CCNH: variants seen among roughly 807,000 people sequenced by gnomAD.
CCNH encodes the protein cyclin H.
CCNH carries 31 observed loss-of-function variants against 41.9 expected under a neutral mutation model. The ratio of observed to expected loss-of-function variants is 0.74; its 90% CI spans 0.56 to 1.00. The LOEUF (loss-of-function observed/expected upper bound fraction) is 1.00, where lower values mean the gene tolerates loss of function less well. CCNH is among the 50% of genes least tolerant of loss of function. The probability of loss-of-function intolerance (pLI) is 0.00; values close to 1 mark genes in which losing one functional copy is unlikely to be tolerated. For synonymous variants in CCNH, 138 were observed against 136.1 expected, an observed-to-expected ratio of 1.01 and a Z score of -0.10; for missense variants, 362 against 388.4, an observed-to-expected ratio of 0.93 and a Z score of 0.57.
chr5:87,390,042 A>G (rs1762381511), downstream of CCNH, among the ~76,000 whole-genome samples: 1 of 152,188 alleles, frequency 6.6e-6, no homozygotes, highest in African/African-American at 2.4e-5. Flanking sequence ...CAAGTGAACC[A>G]TGGCCTACAC....
intron 9 of CCNH, chr5:87,383,890 T>A: frequency 1.1e-6 from 1 of 951,784 alleles, no homozygotes; most frequent in Non-Finnish European, 1.6e-6. Context: ...CCAATTCTAG[T>A]CATGGCATAT....
chr5:87,333,359 T>C, intron 9 of CCNH: 1 of 1,611,380 alleles, frequency 6.2e-7, no homozygotes, highest in South Asian at 1.1e-5. Context: ...TCTATTCTCA[T>C]GTATAGGCAT....
At chr5:87,321,779 T>A (rs1486976950) in intron 9 of CCNH, among the ~76,000 whole-genome samples, 2 of 152,242 alleles carry the variant, frequency 1.3e-5, no homozygotes, top group Non-Finnish European at 2.9e-5. Flanking sequence ...GTCCTTTTGG[T>A]TTTTTATGGA....
At chr5:87,366,362 T>C (rs1358935788) in intron 9 of CCNH, 5 of 433,948 alleles carry the variant, frequency 1.2e-5, no homozygotes, top group East Asian at 7.0e-5. Flanking sequence ...TGCAGTTAGA[T>C]TGGAAGTCTG....
In CCNH at chr5:87,399,411, A is replaced by T. The variant is rs150856919; in HGVS notation, c.855T>A (p.Leu285=). The part of the protein sequence containing the change: ...QKLERCHSAE[L]ALNVITKKRK... ...TAACTTACGTGATTACGTTAAGTGCAAGCTCAGCAGAATGACATCGCTCCA... is the reference window on the plus strand; with the variant it reads ...TAACTTACGTGATTACGTTAAGTGCTAGCTCAGCAGAATGACATCGCTCCA... Residue 285 remains leucine (L), a synonymous_variant, in exon 7 of 9, where the codon CTT becomes CTA. Transcript: ENST00000256897. 4.3e-5 allele frequency: 70 copies of T among 1,612,700 alleles called. No homozygotes were observed. In the African/African-American group the frequency reaches 8.7e-4, roughly 20 times the overall value.
At chr5:87,387,813 A>C (rs149470458), downstream of CCNH, among the ~76,000 whole-genome samples, 405 of 152,318 alleles carry the variant, frequency 2.7e-3, 2 homozygotes, top group African/African-American at 9.5e-3. Context: ...GAAATGGACA[A>C]AAATGCTAAA....
intron 8 of CCNH, chr5:87,394,772 G>A: frequency 8.2e-6 from 11 of 1,339,432 alleles, no homozygotes; most frequent in Non-Finnish European, 1.0e-5. Context: ...AAAAATCCTT[G>A]GAGAATAAGA....
chr5:87,345,253 C>T (rs904006513), intron 9 of CCNH, among the ~76,000 whole-genome samples: 3 of 152,086 alleles, frequency 2.0e-5, no homozygotes, highest in Non-Finnish European at 4.4e-5. Flanking sequence ...AAAAATGAAA[C>T]GAAAACTCTT....
At chr5:87,361,240 G>A (rs1760070280) in intron 9 of CCNH, among the ~76,000 whole-genome samples, 1 of 152,214 alleles carries the variant, frequency 6.6e-6, no homozygotes, top group Admixed American at 6.5e-5. Context: ...ATAAAAAACA[G>A]GTGGTGGACT....
chr5:87,400,159 C>G (rs1326949008), intron 6 of CCNH, among the ~76,000 whole-genome samples: 1 of 152,016 alleles, frequency 6.6e-6, no homozygotes, highest in Non-Finnish European at 1.5e-5. Flanking sequence ...GATGAGAGAT[C>G]CAATGGGCTT....
At chr5:87,405,676 T>C (rs1028715389) in intron 4 of CCNH, among the ~76,000 whole-genome samples, 2 of 152,040 alleles carry the variant, frequency 1.3e-5, no homozygotes, top group Non-Finnish European at 2.9e-5. Context: ...CCCTTTCTAA[T>C]ATATTTACTC....
At chr5:87,379,818 G>C, upstream of CCNH, 1 of 1,612,752 alleles carries the variant, frequency 6.2e-7, no homozygotes, top group Non-Finnish European at 8.5e-7. Flanking sequence ...AGCTTGTGGA[G>C]AAAATATTCA....
downstream of CCNH, among the ~76,000 whole-genome samples, chr5:87,372,581 C>T (rs781703009): frequency 2.8e-4 from 42 of 152,230 alleles, no homozygotes; most frequent in Non-Finnish European, 5.3e-4. Flanking sequence ...TTTTGAAGAA[C>T]AGCTTTTAAA....
chr5:87,386,933 T>A (rs748711263), downstream of CCNH: 5 of 1,555,508 alleles, frequency 3.2e-6, no homozygotes, highest in African/African-American at 1.4e-5. Flanking sequence ...GTACTTTTTT[T>A]AAGACTTCTA....
intron 7 of CCNH, among the ~76,000 whole-genome samples, chr5:87,397,130 G>C (rs3093840): frequency 2.3e-3 from 349 of 152,048 alleles, no homozygotes; most frequent in African/African-American, 7.8e-3. Context: ...AGTTTGCAGT[G>C]AGTTAAGTAC....
At chr5:87,381,317 C>T (rs1285493511), upstream of CCNH, among the ~76,000 whole-genome samples, 7 of 152,192 alleles carry the variant, frequency 4.6e-5, no homozygotes, top group Admixed American at 3.9e-4. Context: ...ATCTGATATC[C>T]TTGAGTCTTA....
intron 9 of CCNH, among the ~76,000 whole-genome samples, chr5:87,342,304 G>T (rs181942772): frequency 6.6e-6 from 1 of 151,776 alleles, no homozygotes; most frequent in Non-Finnish European, 1.5e-5. Context: ...GACCACCGGC[G>T]CACAACACCA....
At chr5:87,365,562 T>C (rs1053718761) in intron 9 of CCNH, among the ~76,000 whole-genome samples, 1 of 152,132 alleles carries the variant, frequency 6.6e-6, no homozygotes, top group African/African-American at 2.4e-5. Flanking sequence ...AAGGAGGTTC[T>C]TGAAAAGAAC....
At position 87,412,886 on chromosome 5, in the gene CCNH, T is replaced by G. The variant is rs909273142; in HGVS notation, c.-92A>C. 8.2e-5 allele frequency: 127 copies of G among 1,545,216 alleles called. No homozygotes were observed. The Middle Eastern group carries it at 8.6e-4, about 10-fold the overall frequency. On this transcript the variant is annotated 5_prime_UTR_variant, in exon 1 of 9. Transcript: ENST00000256897. ...AAAACACCCGTACCCCCACCGAAGA[T>G]CTCGCGGAAGCCTAGGGCGTCCGGC...
Sources: gnomAD v4.1 joint callset for allele counts (sites outside exome capture counted in the v4.1 genomes callset) on GRCh38, gnomAD v4.1.1 for gene constraint, MANE v1.5 for transcripts, NCBI Gene and HGNC (gene_info 2026-07-23, HGNC 2026-07-21) for gene names.